SOX5: variants seen among roughly 807,000 people sequenced by gnomAD.
SOX5 encodes the protein transcription factor SOX-5.
SOX5 carries 9 observed loss-of-function variants against 92.0 expected under a neutral mutation model. The ratio of observed to expected loss-of-function variants is 0.10; its 90% CI spans 0.06 to 0.17. SOX5 has a LOEUF of 0.17. Among genes scored for constraint, SOX5 ranks in the 10% least tolerant of loss-of-function variants. The probability of loss-of-function intolerance (pLI) is 1.00; values close to 1 mark genes in which losing one functional copy is unlikely to be tolerated. For missense variants in SOX5, 642 were observed against 944.5 expected, an observed-to-expected ratio of 0.68 and a Z score of 4.20; for synonymous variants, 344 against 336.3, an observed-to-expected ratio of 1.02 and a Z score of -0.25.
At chr12:23,582,799 AG>A (rs1950224574) in intron 9 of SOX5, among the ~76,000 whole-genome samples, 1 of 152,126 alleles carries the variant, frequency 6.6e-6, no homozygotes, top group South Asian at 2.1e-4. Context: ...TTTTAAAAGT[AG>A]ATGCTAGTAG....
chr12:23,840,704 C>G (rs1211298024), intron 3 of SOX5, among the ~76,000 whole-genome samples: 1 of 152,010 alleles, frequency 6.6e-6, no homozygotes, highest in Admixed American at 6.6e-5. Context: ...TGATCTTTAG[C>G]AAGGAAAAAG....
chr12:23,931,474 T>C (rs1253665968), intron 1 of SOX5, among the ~76,000 whole-genome samples: 1 of 151,744 alleles, frequency 6.6e-6, no homozygotes, highest in African/African-American at 2.4e-5. Context: ...ATTTTCAAAT[T>C]GATAACTCTT....
intron 2 of SOX5, among the ~76,000 whole-genome samples, chr12:24,312,888 C>G (rs1188024452): frequency 6.6e-6 from 1 of 152,160 alleles, no homozygotes; most frequent in African/African-American, 2.4e-5. Flanking sequence ...CTTTTCTGTA[C>G]TACTTTTTCC....
intron 6 of SOX5, among the ~76,000 whole-genome samples, chr12:23,705,162 A>G (rs1241405807): frequency 6.6e-6 from 1 of 152,000 alleles, no homozygotes; most frequent in Non-Finnish European, 1.5e-5. Flanking sequence ...AGCTGTGCTA[A>G]ATCTTGATAA....
chr12:23,612,810 T>C (rs1440550782), intron 8 of SOX5, among the ~76,000 whole-genome samples: 1 of 152,188 alleles, frequency 6.6e-6, no homozygotes, highest in African/African-American at 2.4e-5. Context: ...ACAGGGAATA[T>C]CATTTGTGAG....
chr12:24,324,917 A>G (rs896292716), intron 2 of SOX5, among the ~76,000 whole-genome samples: 3 of 152,254 alleles, frequency 2.0e-5, no homozygotes, highest in East Asian at 1.9e-4. Flanking sequence ...TTTAAGTTTC[A>G]TATTTCTCAT....
At chr12:24,050,832 ATTC>A (rs902251196) in intron 4 of SOX5, among the ~76,000 whole-genome samples, 42 of 151,996 alleles carry the variant, frequency 2.8e-4, no homozygotes, top group African/African-American at 3.4e-4. Flanking sequence ...AAATGAAGCC[ATTC>A]TTCTTCTTCT....
intron 2 of SOX5, among the ~76,000 whole-genome samples, chr12:24,284,390 T>A (rs1051411080): frequency 6.6e-6 from 1 of 151,418 alleles, no homozygotes; most frequent in African/African-American, 2.4e-5. Context: ...GGAGAGCTGA[T>A]GGAGGTGTAA....
At chr12:24,438,690 C>A (rs1939934511) in intron 1 of SOX5, among the ~76,000 whole-genome samples, 1 of 152,144 alleles carries the variant, frequency 6.6e-6, no homozygotes, top group African/African-American at 2.4e-5. Flanking sequence ...GAAGGAACTG[C>A]AGATATAGTG....
intron 4 of SOX5, among the ~76,000 whole-genome samples, chr12:24,133,574 A>G (rs554881122): frequency 6.6e-6 from 1 of 152,276 alleles, no homozygotes; most frequent in East Asian, 1.9e-4. Context: ...GGCTCTTCAA[A>G]GCACAAAGGG....
At chr12:24,239,370 A>G (rs558553926) in intron 3 of SOX5, among the ~76,000 whole-genome samples, 6 of 152,360 alleles carry the variant, frequency 3.9e-5, no homozygotes, top group Admixed American at 2.0e-4. Flanking sequence ...CCACAAACAT[A>G]TCAAATTTTA....
At chr12:24,379,013 C>G (rs1439195991) in intron 1 of SOX5, among the ~76,000 whole-genome samples, 1 of 152,208 alleles carries the variant, frequency 6.6e-6, no homozygotes, top group Non-Finnish European at 1.5e-5. Context: ...GCAGCCCATA[C>G]TGTCCTACAG....
chr12:23,639,648 C>T (rs747709204), intron 8 of SOX5, among the ~76,000 whole-genome samples: 4 of 152,154 alleles, frequency 2.6e-5, no homozygotes, highest in African/African-American at 4.8e-5. Context: ...TCAAAGAAAA[C>T]AGATACTCAC....
At chr12:23,833,446 A>T (rs2096363817) in intron 3 of SOX5, among the ~76,000 whole-genome samples, 1 of 151,972 alleles carries the variant, frequency 6.6e-6, no homozygotes, top group Non-Finnish European at 1.5e-5. Context: ...AAATTCTAGA[A>T]CATTTTTCAA....
intron 4 of SOX5, among the ~76,000 whole-genome samples, chr12:23,979,698 G>GTTTTTTTTTT: frequency 0.01 from 673 of 64,708 alleles, 246 homozygotes; most frequent in Middle Eastern, 0.027. Context: ...ATATATATAT[G>GTTTTTTTTTT]TTTTTTTTGT....
At chr12:24,473,752 G>A (rs1317939416) in intron 1 of SOX5, among the ~76,000 whole-genome samples, 1 of 152,072 alleles carries the variant, frequency 6.6e-6, no homozygotes, top group African/African-American at 2.4e-5. Flanking sequence ...AATCTCAAAG[G>A]TCTGGCCTCT....
At chr12:24,500,011 C>T (rs1355809466) in intron 1 of SOX5, among the ~76,000 whole-genome samples, 1 of 152,120 alleles carries the variant, frequency 6.6e-6, no homozygotes, top group Non-Finnish European at 1.5e-5. Context: ...CCTCAGGCCT[C>T]AAATTCTTTC....
chr12:24,521,915 C>A (rs1950296496), intron 1 of SOX5, among the ~76,000 whole-genome samples: 1 of 150,576 alleles, frequency 6.6e-6, no homozygotes, highest in Non-Finnish European at 1.5e-5. Context: ...AAACCAAGCC[C>A]AAAGTTAGCA....
At chr12:24,341,817 G>A (rs552025538) in intron 2 of SOX5, among the ~76,000 whole-genome samples, 2 of 152,220 alleles carry the variant, frequency 1.3e-5, no homozygotes, top group African/African-American at 4.8e-5. Flanking sequence ...GCCTCCCTGA[G>A]AGGGTAGCTA....
Sources: gnomAD v4.1 joint callset for allele counts (sites outside exome capture counted in the v4.1 genomes callset) on GRCh38, gnomAD v4.1.1 for gene constraint, MANE v1.5 for transcripts, NCBI Gene and HGNC (gene_info 2026-07-23, HGNC 2026-07-21) for gene names.